The following ITGB8 variants were observed in gnomAD, a reference collection of about 807,000 sequenced individuals.
ITGB8 encodes integrin subunit beta 8.
In ITGB8, 30 loss-of-function variants were observed where a neutral mutation model predicts 89.5. The observed-to-expected ratio is 0.34, with a 90% CI of 0.25 to 0.45. The LOEUF (loss-of-function observed/expected upper bound fraction) is 0.45, where lower values mean the gene tolerates loss of function less well. Ranked by LOEUF, ITGB8 falls within the 20% of genes least tolerant of loss-of-function variation. ITGB8 has a pLI of 1.00. For missense variants in ITGB8, 836 were observed against 933.3 expected, an observed-to-expected ratio of 0.90 and a Z score of 1.36; for synonymous variants, 335 against 320.4, an observed-to-expected ratio of 1.05 and a Z score of -0.49.
At chr7:20,336,172 A>AT (rs1784571716) in intron 1 of ITGB8, among the ~76,000 whole-genome samples, 1 of 151,644 alleles carries the variant, frequency 6.6e-6, no homozygotes, top group Non-Finnish European at 1.5e-5. Flanking sequence ...CGCCCGGCTA[A>AT]TTTTTTGTAT....
At position 20,399,059 on chromosome 7, in the gene ITGB8, A is replaced by G. The variant is rs748795017; in HGVS notation, c.1281+65A>G. The G allele has an allele frequency of 2.6e-6, 4 of 1,526,684 alleles. 1 individual carries two copies. In the South Asian group the frequency reaches 5.0e-5, roughly 19 times the overall value. The allele number at this position is 1,526,684 out of a possible 1,614,324, so 94.6% of individuals were successfully genotyped here. A position where few individuals can be genotyped will look rare whatever the true frequency, so the allele number is the denominator to read the frequency against. On this transcript the variant is annotated intron_variant, in intron 9 of 13. Transcript: ENST00000222573. Reference sequence around the variant, plus strand: ...GTTGTTTGGCGTACTTTCTTACAGAAAAAGCAAACCATTCTGAAAAATTTT... The same window carrying G: ...GTTGTTTGGCGTACTTTCTTACAGAGAAAGCAAACCATTCTGAAAAATTTT...
rs1425920878 is a variant in ITGB8, at chr7:20,331,244, T to C, written c.-563T>C. ...GGCTGCAAAGCTGCAACTAATGGTGTTGGCCTCCCTGCCCACCTGTGGAAG... is the reference window on the plus strand; with the variant it reads ...GGCTGCAAAGCTGCAACTAATGGTGCTGGCCTCCCTGCCCACCTGTGGAAG... On this transcript the variant is annotated 5_prime_UTR_variant, in exon 1 of 14. Coordinates refer to ENST00000222573, the MANE Select transcript of ITGB8 (RefSeq NM_002214.3). 1.1e-5 allele frequency: 3 copies of C among 266,116 alleles called. No individual in the cohort carries two copies. The highest frequency in any genetic ancestry group is 2.1e-5 in the Non-Finnish European group (3 of 142,312). The allele number at this position is 266,116 out of a possible 1,614,324, so 16.5% of individuals were successfully genotyped here. A position where few individuals can be genotyped will look rare whatever the true frequency, so the allele number is the denominator to read the frequency against.
At chr7:20,332,967 C>T (rs906659711) in intron 1 of ITGB8, among the ~76,000 whole-genome samples, 4 of 149,710 alleles carry the variant, frequency 2.7e-5, no homozygotes, top group African/African-American at 4.9e-5. Flanking sequence ...TGTTTGGTCA[C>T]CAAGTCCTTA....
chr7:20,391,351 A>G, intron 6 of ITGB8, 52 bp from the exon 7 acceptor site: 2 of 935,598 alleles, frequency 2.1e-6, no homozygotes, highest in Non-Finnish European at 3.3e-6. Context: ...ATGTTTGAAT[A>G]GGATGGAGCT....
At chr7:20,399,034 G>C in intron 9 of ITGB8, 40 bp downstream of exon 9, 3 of 1,582,918 alleles carry the variant, frequency 1.9e-6, no homozygotes, top group Middle Eastern at 3.3e-4. Context: ...AATAAACTAA[G>C]TTGTTTGGCG....
intron 8 of ITGB8, among the ~76,000 whole-genome samples, chr7:20,397,260 T>G (rs1787122367): frequency 1.3e-5 from 2 of 151,870 alleles, no homozygotes; most frequent in African/African-American, 4.8e-5. Flanking sequence ...AATTTTACTC[T>G]GTCTTGCCCA....
chr7:20,409,763 G>A lies in ITGB8; in HGVS notation c.2172G>A (p.Val724=). The change falls in exon 13 of 14, where the codon GTG becomes GTA. Residue 724 remains valine, a synonymous_variant. Transcript: ENST00000222573. ...TTAAGTCCTCATCAGATTACAGAGT[G>A]TCAGCCTCAAAAAAGGTCAGTGAAT... ...NKIKSSSDYR[V]SASKKDKLIL... The A allele has an allele frequency of 1.2e-6, 2 of 1,612,894 alleles. No individual in the cohort carries two copies. The highest frequency in any genetic ancestry group is 1.7e-6 in the Non-Finnish European group (2 of 1,179,438).
At position 20,401,820 on chromosome 7, in the gene ITGB8, A is replaced by G. The variant is rs762323664; in HGVS notation, c.1381A>G (p.Ile461Val). ...KPIGFNETAK[I>V]HIHRNCSCQC... ...TATTGGTTTTAATGAAACCGCTAAA[A>G]TTCATATACACAGAAACTGCAGCTG... Residue 461 changes from isoleucine to valine, a missense_variant, in exon 10 of 14, where the codon ATT (isoleucine) becomes GTT (valine). By Grantham distance (29) the Ile-to-Val change is conservative. Coordinates refer to ENST00000222573, the MANE Select transcript of ITGB8 (RefSeq NM_002214.3). The G allele has an allele frequency of 1.2e-6, 2 of 1,613,488 alleles. No homozygotes were observed. The highest frequency in any genetic ancestry group is 2.2e-5 in the South Asian group (2 of 90,768).
At chr7:20,366,250 T>C (rs1785690982) in intron 2 of ITGB8, 1 of 152,146 alleles carries the variant, frequency 6.6e-6, no homozygotes, top group Non-Finnish European at 1.5e-5. Context: ...TCATGCGTAG[T>C]GAGAGTTCAG....
chr7:20,352,786 G>GT (rs1562659692), intron 1 of ITGB8: 1 of 152,164 alleles, frequency 6.6e-6, no homozygotes, highest in Non-Finnish European at 1.5e-5. Flanking sequence ...TTAGACTTCA[G>GT]TTTTCCTGAG....
At position 20,412,953 on chromosome 7, in the gene ITGB8, T is replaced by C. The variant is rs1787814405; in HGVS notation, c.*2956T>C. 6.6e-6 allele frequency: 1 copy of C among 152,514 alleles called. No homozygotes were observed. Among genetic ancestry groups the C allele is most frequent in the Non-Finnish European group, 1.5e-5 (1 of 67,978 alleles). The allele number at this position is 152,514 out of a possible 1,614,324, so 9.4% of individuals were successfully genotyped here. A position where few individuals can be genotyped will look rare whatever the true frequency, so the allele number is the denominator to read the frequency against. ...TGAAATTTTAAATTGTTAACAGAAT[T>C]GAGAACTTGAACAACACTTTTAGTA... is the stretch of plus-strand genomic sequence containing the variant. On this transcript the variant is annotated 3_prime_UTR_variant, in exon 14 of 14. Coordinates refer to ENST00000222573, the MANE Select transcript of ITGB8 (RefSeq NM_002214.3).
chr7:20,361,560 C>T (rs926244590), intron 1 of ITGB8, among the ~76,000 whole-genome samples: 6 of 152,132 alleles, frequency 3.9e-5, no homozygotes, highest in African/African-American at 1.4e-4. Context: ...GTGGGGCCCT[C>T]ATGATCTAAT....
At chr7:20,397,147 TG>T (rs1218162629) in intron 8 of ITGB8, among the ~76,000 whole-genome samples, 5 of 151,984 alleles carry the variant, frequency 3.3e-5, no homozygotes, top group African/African-American at 4.8e-5. Flanking sequence ...ATCCCCAAAC[TG>T]GGCAAAATTT....
intron 1 of ITGB8, among the ~76,000 whole-genome samples, chr7:20,351,370 G>A (rs1785107133): frequency 1.3e-5 from 2 of 152,204 alleles, no homozygotes; most frequent in Non-Finnish European, 2.9e-5. Context: ...CCACCTCTGT[G>A]ACTTTAGGTG....
intron 10 of ITGB8, 23 bp downstream of exon 10, chr7:20,402,149 A>G: frequency 6.4e-7 from 1 of 1,561,750 alleles, no homozygotes; most frequent in Non-Finnish European, 8.7e-7. Flanking sequence ...ATATACAGGC[A>G]GCTTTTACTT....
At chr7:20,331,957 T>C (rs1479589596) in intron 1 of ITGB8, 24 bp downstream of exon 1, 2 of 1,611,836 alleles carry the variant, frequency 1.2e-6, no homozygotes, top group Non-Finnish European at 1.7e-6. Context: ...TTTTGTTTTG[T>C]TTTCTTCTCT....
chr7:20,334,107 G>A (rs570138433), intron 1 of ITGB8, among the ~76,000 whole-genome samples: 5 of 152,256 alleles, frequency 3.3e-5, no homozygotes, highest in Non-Finnish European at 7.4e-5. Context: ...TATAGGTCTC[G>A]AACATATAGT....
At chr7:20,334,368 T>A (rs556751089) in intron 1 of ITGB8, among the ~76,000 whole-genome samples, 18 of 152,280 alleles carry the variant, frequency 1.2e-4, no homozygotes, top group African/African-American at 4.3e-4. Context: ...TTTTAAAAGA[T>A]TAAGAACTTT....
chr7:20,404,365 G>A (rs1015637158), intron 10 of ITGB8, among the ~76,000 whole-genome samples: 7 of 152,200 alleles, frequency 4.6e-5, no homozygotes, highest in African/African-American at 1.7e-4. Flanking sequence ...CAAGTAGTCT[G>A]GCAGCCACTG....
Sources: gnomAD v4.1 joint callset for allele counts (sites outside exome capture counted in the v4.1 genomes callset) on GRCh38, gnomAD v4.1.1 for gene constraint, MANE v1.5 for transcripts, NCBI Gene and HGNC (gene_info 2026-07-23, HGNC 2026-07-21) for gene names.